RPS6KA2: variants seen among roughly 807,000 people sequenced by gnomAD.
RPS6KA2 encodes the protein ribosomal protein S6 kinase alpha-2.
RPS6KA2 carries 42 observed loss-of-function variants against 91.8 expected under a neutral mutation model. That is an observed-to-expected ratio of 0.46 (90% CI 0.36 to 0.59). RPS6KA2 has a LOEUF of 0.59. Ranked by LOEUF, RPS6KA2 falls within the 20% of genes least tolerant of loss-of-function variation. The probability of loss-of-function intolerance (pLI) is 0.00; values close to 1 mark genes in which losing one functional copy is unlikely to be tolerated. For synonymous variants in RPS6KA2, 414 were observed against 393.6 expected (o/e 1.05, Z -0.61); for missense variants, 798 against 978.5 (o/e 0.82, Z 2.46).
In RPS6KA2 at chr6:166,733,676, T is replaced by C. The variant is rs1790596353; in HGVS notation, c.123+124524A>G. On this transcript the variant is annotated intron_variant, in intron 2 of 21. Coordinates refer to the RPS6KA2 transcript ENST00000503859. This position sits in a 1 kb window ranked among gnomAD's most constrained non-coding sequence, Gnocchi z 4.1. The stretch of plus-strand genomic sequence containing the variant: ...TAGCATCCCTCGTGGACAGTTTCCA[T>C]GGAATGTCCCAGGCACAGGTCACAT... Among the ~76,000 whole-genome samples, 1 of 152,204 alleles carries C rather than the reference T, an allele frequency of 6.6e-6. No individual in the cohort carries two copies. Among genetic ancestry groups the C allele is most frequent in the Non-Finnish European group, 1.5e-5 (1 of 68,042 alleles).
At chr6:166,794,020 A>G (rs1031425353) in intron 2 of RPS6KA2, among the ~76,000 whole-genome samples, 2 of 140,444 alleles carry the variant, frequency 1.4e-5, no homozygotes, top group East Asian at 2.1e-4. Context: ...TAATTAAACT[A>G]AAGAGCTTCT....
chr6:166,545,858 G>A (rs1041451349), intron 1 of RPS6KA2, among the ~76,000 whole-genome samples: 2 of 152,148 alleles, frequency 1.3e-5, no homozygotes, highest in Non-Finnish European at 2.9e-5. Flanking sequence ...CAGATGGAGC[G>A]CCGCCACTTT....
At chr6:166,568,621 G>GGAAAA (rs1784578566) in intron 1 of RPS6KA2, among the ~76,000 whole-genome samples, 27 of 45,554 alleles carry the variant, frequency 5.9e-4, no homozygotes, top group Non-Finnish European at 8.2e-4. Context: ...CTCCATCTCA[G>GGAAAA]AAAAAAAAAA....
upstream of RPS6KA2, among the ~76,000 whole-genome samples, chr6:166,628,527 A>T (rs1786978177): frequency 6.6e-6 from 1 of 152,248 alleles, no homozygotes; most frequent in African/African-American, 2.4e-5. Context: ...GTGGGTAGAG[A>T]GGTCAGAATG....
chr6:166,771,130 C>A (rs918886883), intron 2 of RPS6KA2, among the ~76,000 whole-genome samples: 5 of 152,168 alleles, frequency 3.3e-5, no homozygotes, highest in African/African-American at 1.2e-4. Flanking sequence ...GAACTTGCGA[C>A]TTTTGTGCAA....
Position 166,510,310 on chromosome 6 carries a change from C to T in RPS6KA2, c.346G>A (p.Val116Met), listed in dbSNP as rs760661054. ...AGCTTCACAATGAAGGGGTGATTCACTTCTGCCAAGATGTCTCTCTCCATC... is the reference window on the plus strand; with the variant it reads ...AGCTTCACAATGAAGGGGTGATTCATTTCTGCCAAGATGTCTCTCTCCATC... ...SKMERDILAE[V>M]NHPFIVKLHY... Residue 116 changes from valine (V) to methionine (M), a missense_variant, in exon 4 of 21, where the codon GTG becomes ATG. Coordinates refer to ENST00000265678, the MANE Select transcript of RPS6KA2 (RefSeq NM_021135.6). 77 of 1,603,402 alleles carry T rather than the reference C, an allele frequency of 4.8e-5. No homozygotes were observed. The highest frequency in any genetic ancestry group is 6.3e-5 in the Non-Finnish European group (74 of 1,173,644).
chr6:166,426,017 C>T (rs1778904177), intron 16 of RPS6KA2, among the ~76,000 whole-genome samples: 1 of 151,836 alleles, frequency 6.6e-6, no homozygotes, highest in African/African-American at 2.4e-5. Context: ...CAGCACCACA[C>T]CACACCTATT....
intron 2 of RPS6KA2, among the ~76,000 whole-genome samples, chr6:166,831,081 T>G (rs765970754): frequency 6.6e-6 from 1 of 152,060 alleles, no homozygotes; most frequent in Non-Finnish European, 1.5e-5. Flanking sequence ...GACCCTCCAG[T>G]GGCAGGGGGT....
In RPS6KA2 at chr6:166,504,467, T is replaced by A. The variant is rs111925610; in HGVS notation, c.566+39A>T. 255 of 1,205,628 alleles carry A rather than the reference T, an allele frequency of 2.1e-4. No individual in the cohort carries two copies. In the African/African-American group the frequency reaches 3.5e-3, roughly 16 times the overall value. The allele number at this position is 1,205,628 out of a possible 1,614,324, so 74.7% of individuals were successfully genotyped here. Reference sequence around the variant, plus strand: ...GGGCCAGGAAAATACATGGAGCTGATGGGCGTGGGGAAGTCAGCCCTAGTT... The same window carrying A: ...GGGCCAGGAAAATACATGGAGCTGAAGGGCGTGGGGAAGTCAGCCCTAGTT... On this transcript the variant is annotated intron_variant, in intron 6 of 20. Transcript: ENST00000265678.
rs994995241 is a variant in RPS6KA2, at chr6:166,849,510, G to A, written c.123+8690C>T. 6.6e-6 allele frequency among the ~76,000 whole-genome samples: 1 copy of A among 152,186 alleles called. No homozygotes were observed. The highest frequency in any genetic ancestry group is 1.5e-5 in the Non-Finnish European group (1 of 68,034). On this transcript the variant is annotated intron_variant, in intron 2 of 21. Coordinates refer to the RPS6KA2 transcript ENST00000503859. This position sits in a 1 kb window ranked among gnomAD's most constrained non-coding sequence, Gnocchi z 4.9. ...GAATAAAAGAAGAAGGGAGGGTGAG[G>A]TGGGGGCGGATCAGCTTGAGTCACC...
chr6:166,451,266 C>T (rs759446060), intron 12 of RPS6KA2, 33 bp from the exon 13 acceptor site: 13 of 1,610,548 alleles, frequency 8.1e-6, no homozygotes, highest in Middle Eastern at 1.7e-4. Flanking sequence ...TCAGATGCCA[C>T]GAAAGCTGGG....
intron 2 of RPS6KA2, among the ~76,000 whole-genome samples, chr6:166,855,119 G>C (rs1780851829): frequency 6.6e-6 from 1 of 152,166 alleles, no homozygotes; most frequent in Non-Finnish European, 1.5e-5. Flanking sequence ...TTATAAGTGG[G>C]ACTAAAGAAT....
intron 1 of RPS6KA2, among the ~76,000 whole-genome samples, chr6:166,545,203 C>G (rs1783787527): frequency 6.6e-6 from 1 of 152,180 alleles, no homozygotes; most frequent in Non-Finnish European, 1.5e-5. Context: ...TGCATCTATT[C>G]GATACAATGC....
At chr6:166,525,525 A>T (rs1354287438) in intron 3 of RPS6KA2, among the ~76,000 whole-genome samples, 2 of 152,108 alleles carry the variant, frequency 1.3e-5, no homozygotes, top group Non-Finnish European at 2.9e-5. Flanking sequence ...TTGGAGATCA[A>T]ATGGAGCCGT....
At chr6:166,535,298 T>G (rs76635320) in intron 2 of RPS6KA2, among the ~76,000 whole-genome samples, 1,708 of 152,268 alleles carry the variant, frequency 0.011, 16 homozygotes, top group South Asian at 0.03. Flanking sequence ...CAGCTCTCTC[T>G]CAGAACTGGA....
intron 10 of RPS6KA2, among the ~76,000 whole-genome samples, chr6:166,484,341 G>A (rs1025727389): frequency 6.6e-6 from 1 of 152,192 alleles, no homozygotes; most frequent in African/African-American, 2.4e-5. Flanking sequence ...GTGAATACCT[G>A]TGGCCGGCCC....
chr6:166,654,750 C>A (rs1787957625), intron 2 of RPS6KA2, among the ~76,000 whole-genome samples: 1 of 152,186 alleles, frequency 6.6e-6, no homozygotes, highest in African/African-American at 2.4e-5. Flanking sequence ...GTGGTTTCTT[C>A]ATAATTAGAT....
In RPS6KA2 at chr6:166,702,962, C is replaced by T. The variant is rs1562391665; in HGVS notation, c.123+155238G>A. ...TTCTCGCCTTTAAAATACACAAACACAGTAAGAACCAAGCACAAGAACGAG... is the reference window on the plus strand; with the variant it reads ...TTCTCGCCTTTAAAATACACAAACATAGTAAGAACCAAGCACAAGAACGAG... On this transcript the variant is annotated intron_variant, in intron 2 of 21. Transcript: ENST00000503859. 2.3e-5 allele frequency: 13 copies of T among 570,626 alleles called. No individual in the cohort carries two copies. In the East Asian group the frequency reaches 3.5e-4, roughly 15 times the overall value. 35.3% of individuals were successfully genotyped at this position (570,626 alleles called of 1,614,324 possible). A position where few individuals can be genotyped will look rare whatever the true frequency, so the allele number is the denominator to read the frequency against.
At position 166,519,701 on chromosome 6, in the gene RPS6KA2, C is replaced by T. The variant is rs60984312; in HGVS notation, c.299-9344G>A. Among the ~76,000 whole-genome samples, 1,508 of 152,280 alleles carry T rather than the reference C, an allele frequency of 9.9e-3. 29 individuals carry two copies. The highest frequency in any genetic ancestry group is 0.035 in the African/African-American group (1,435 of 41,556). On this transcript the variant is annotated intron_variant, in intron 3 of 20. Coordinates refer to ENST00000265678, the MANE Select transcript of RPS6KA2 (RefSeq NM_021135.6). ...GGAGGAAGCACTTTGTGAGATTATCCTGGCAGGCATAGGATATATGATATG... is the reference window on the plus strand; with the variant it reads ...GGAGGAAGCACTTTGTGAGATTATCTTGGCAGGCATAGGATATATGATATG...
Sources: gnomAD v4.1 joint callset for allele counts (sites outside exome capture counted in the v4.1 genomes callset) on GRCh38, gnomAD v4.1.1 for gene constraint, Gnocchi (gnomAD v3.1) non-coding constraint, MANE v1.5 for transcripts, NCBI Gene and HGNC (gene_info 2026-07-23, HGNC 2026-07-21) for gene names.